HECTD4: variants seen among roughly 807,000 people sequenced by gnomAD.
HECTD4 encodes the protein probable E3 ubiquitin-protein ligase HECTD4.
HECTD4 carries 114 observed loss-of-function variants against 471.5 expected under a neutral mutation model. The ratio of observed to expected loss-of-function variants is 0.24; its 90% CI spans 0.21 to 0.28. The LOEUF is 0.28. Ranked by LOEUF, HECTD4 falls within the 10% of genes least tolerant of loss-of-function variation. The pLI is 1.00. For missense variants in HECTD4, 3,866 were observed against 5,651.5 expected (o/e 0.68, Z 10.13); for synonymous variants, 2,012 against 2,256.0 (o/e 0.89, Z 3.07).
chr12:112,199,230 T>G lies in HECTD4; in HGVS notation c.8567+1408A>C, dbSNP rs907153080. Among the ~76,000 whole-genome samples the G allele has an allele frequency of 3.9e-5, 6 of 152,190 alleles. No individual in the cohort carries two copies. In the East Asian group the frequency reaches 1.2e-3, roughly 29 times the overall value. On this transcript the variant is annotated intron_variant, in intron 55 of 75. Transcript: ENST00000682272. ...TGAGGACCCCTGTTGAAGAAACATTTGTGATATTGCCCTGTGGTATGCCTA... is the reference window on the plus strand; with the variant it reads ...TGAGGACCCCTGTTGAAGAAACATTGGTGATATTGCCCTGTGGTATGCCTA...
At chr12:112,298,612 G>C (rs934187659) in intron 7 of HECTD4, among the ~76,000 whole-genome samples, 1 of 151,382 alleles carries the variant, frequency 6.6e-6, no homozygotes, top group Admixed American at 6.6e-5. Context: ...GCCAGGCATG[G>C]TGGGTTACTC....
intron 8 of HECTD4, 106 bp from the exon 9 acceptor site, chr12:112,279,492 G>A: frequency 1.1e-6 from 1 of 949,108 alleles, no homozygotes; most frequent in Non-Finnish European, 1.5e-6. Context: ...CTCAAACAAA[G>A]ATTTGGAAAA....
At chr12:112,369,291 G>A (rs947182662) in intron 1 of HECTD4, among the ~76,000 whole-genome samples, 3 of 151,752 alleles carry the variant, frequency 2.0e-5, no homozygotes. Flanking sequence ...TCCATTGGAT[G>A]CATCTTTTGG....
chr12:112,187,179 G>A (rs913834653), intron 60 of HECTD4, among the ~76,000 whole-genome samples: 3 of 151,558 alleles, frequency 2.0e-5, no homozygotes, highest in African/African-American at 4.9e-5. Flanking sequence ...GGGTTCCTCC[G>A]TGTTGGTCAG....
intron 64 of HECTD4, among the ~76,000 whole-genome samples, 176 bp from the exon 65 acceptor site, chr12:112,176,878 C>T (rs2031469499): frequency 6.6e-6 from 1 of 152,164 alleles, no homozygotes; most frequent in Admixed American, 6.5e-5. Context: ...GTTCACTGAG[C>T]AAATTACAAG....
intron 7 of HECTD4, among the ~76,000 whole-genome samples, chr12:112,291,949 C>T (rs903596155): frequency 2.0e-5 from 3 of 152,304 alleles, no homozygotes; most frequent in Admixed American, 1.3e-4. Context: ...GCAACCTACA[C>T]ATTATATACA....
chr12:112,184,293 T>C lies in HECTD4; in HGVS notation c.10673A>G (p.Asn3558Ser). 6.2e-7 allele frequency: 1 copy of C among 1,613,492 alleles called. No individual in the cohort carries two copies. The highest frequency in any genetic ancestry group is 2.2e-5 in the East Asian group (1 of 44,860). The part of the protein sequence containing the change: ...SLGSLGEPLD[N>S]AETASVSDMG... ...GTCCGACACCGAGGCCGTCTCTGCA[T>C]TGTCCAGGGGCTCCCCCAGGCTGCC... Residue 3558 changes from asparagine (N) to serine (S), a missense_variant, in exon 61 of 76, where the codon AAT (asparagine) becomes AGT (serine). Asn to Ser is a conservative substitution (Grantham distance 46). Coordinates refer to ENST00000682272, the MANE Select transcript of HECTD4 (RefSeq NM_001388303.1). This position sits in a 1 kb window ranked among gnomAD's most constrained non-coding sequence, Gnocchi z 9.1.
chr12:112,375,671 A>G (rs1235967719), intron 1 of HECTD4, among the ~76,000 whole-genome samples: 1 of 152,188 alleles, frequency 6.6e-6, no homozygotes, highest in Admixed American at 6.5e-5. Context: ...AAAAAGAATA[A>G]TGTTCTATGA....
chr12:112,216,937 A>G lies in HECTD4; in HGVS notation c.7237-16T>C, dbSNP rs1172943546. ...AAGACGGGGCCTGAAGAGATGCCAG[A>G]AGAGAGCAGCAATCAGAGGGCTAAT... is the stretch of plus-strand genomic sequence containing the variant. On this transcript the variant is annotated splice_polypyrimidine_tract_variant and intron_variant, in intron 46 of 75. Transcript: ENST00000682272. 6.2e-7 allele frequency: 1 copy of G among 1,611,844 alleles called. No individual in the cohort carries two copies. Among genetic ancestry groups the G allele is most frequent in the Non-Finnish European group, 8.5e-7 (1 of 1,178,150 alleles).
In HECTD4 at chr12:112,185,243, C is replaced by T. The variant is rs1219848262; in HGVS notation, c.9723G>A (p.Gly3241=). 1.1e-5 allele frequency: 17 copies of T among 1,550,072 alleles called. No homozygotes were observed. The highest frequency in any genetic ancestry group is 1.5e-5 in the Non-Finnish European group (17 of 1,146,534). ...ACCTGCCCTGGTCACCGGCCGCCGC[C>T]CCCCCGGAGCCCCCGCAGGCGCCGC... The part of the protein sequence containing the change: ...VSGGACGGSG[G]AAAGDQGRFS... The change falls in exon 61 of 76, where the codon GGG becomes GGA. Residue 3241 remains glycine, a synonymous_variant. Transcript: ENST00000682272.
chr12:112,208,610 A>G lies in HECTD4; in HGVS notation c.7888T>C (p.Cys2630Arg), dbSNP rs1186456336. ...AQQQYDSDTS[C>R]HYKVELSYEN... ...TAGCTGAGCTCGACTTTATAATGACAGGAGGTGTCACTATCATATTCTGTA... is the reference window on the plus strand; with the variant it reads ...TAGCTGAGCTCGACTTTATAATGACGGGAGGTGTCACTATCATATTCTGTA... The change falls in exon 51 of 76, where the codon TGT becomes CGT. Residue 2630 changes from cysteine (C) to arginine (R), a missense_variant. By Grantham distance (180) the Cys-to-Arg change is radical. Around this residue, in one of 16 missense-constraint regions of HECTD4, gnomAD observed 266 missense variants for 441.6 expected, o/e 0.60. Transcript: ENST00000682272. 6 of 1,598,754 alleles carry G rather than the reference A, an allele frequency of 3.8e-6. No individual in the cohort carries two copies. The Admixed American group carries it at 5.3e-5, about 14-fold the overall frequency.
Position 112,314,446 on chromosome 12 carries a change from T to A in HECTD4, c.785+11A>T, listed in dbSNP as rs1165053362. ...TTGGAAGGAGGGTAAGGATACAAAG[T>A]GACAACTTACCTATATAGCACATCA... On this transcript the variant is annotated intron_variant, in intron 3 of 75. Transcript: ENST00000682272. 2 of 1,434,888 alleles carry A rather than the reference T, an allele frequency of 1.4e-6. No homozygotes were observed. Among genetic ancestry groups the A allele is most frequent in the Non-Finnish European group, 1.9e-6 (2 of 1,055,352 alleles). The allele number at this position is 1,434,888 out of a possible 1,614,324, so 88.9% of individuals were successfully genotyped here.
rs2034257130 is a variant in HECTD4, at chr12:112,265,867, A to G, written c.2498+11T>C. 1 of 1,590,678 alleles carries G rather than the reference A, an allele frequency of 6.3e-7. No homozygotes were observed. Among genetic ancestry groups the G allele is most frequent in the African/African-American group, 1.3e-5 (1 of 74,450 alleles). On this transcript the variant is annotated intron_variant, in intron 15 of 75. Transcript: ENST00000682272. ...ACAAAGGCTAGAAGTGAATAATATA[A>G]CTGGTGTCACCTGTAATGATCATCC...
rs960285397 is a variant in HECTD4 at position 112,188,655 on chromosome 12, G to A, written c.9472+2131C>T. ...CAGGATAAAAGATTACTGGCCGGGG[G>A]AATCCCAAGGGCCTGCTGAAGCTGA... On this transcript the variant is annotated intron_variant, in intron 60 of 75. Transcript: ENST00000682272. This position sits in a 1 kb window ranked among gnomAD's most constrained non-coding sequence, Gnocchi z 4.2. 2.0e-5 allele frequency among the ~76,000 whole-genome samples: 3 copies of A among 152,224 alleles called. No individual in the cohort carries two copies. The highest frequency in any genetic ancestry group is 7.2e-5 in the African/African-American group (3 of 41,458).
chr12:112,365,577 TTC>T (rs1478338853), intron 1 of HECTD4, among the ~76,000 whole-genome samples: 2 of 152,136 alleles, frequency 1.3e-5, no homozygotes, highest in Non-Finnish European at 2.9e-5. Flanking sequence ...GACAGTGCAG[TTC>T]TGGAGGCTAT....
chr12:112,252,244 T>C (rs781050325), intron 23 of HECTD4, among the ~76,000 whole-genome samples, 180 bp downstream of exon 23: 44 of 152,226 alleles, frequency 2.9e-4, no homozygotes, highest in Non-Finnish European at 4.0e-4. Flanking sequence ...TTTTAGGTCA[T>C]GGCTAGTTTT....
rs747442339 is a variant in HECTD4 at position 112,264,112 on chromosome 12, G to A, written c.2720C>T (p.Ser907Phe). 6 of 1,609,990 alleles carry A rather than the reference G, an allele frequency of 3.7e-6. No homozygotes were observed. In the South Asian group the frequency reaches 5.6e-5, roughly 15 times the overall value. The part of the protein sequence containing the change: ...KPDENDDSDS[S>F]LQGETLKVQE... ...TACCTTCAATGTCTCTCCCTGCAAG[G>A]AGCTGTCACTGTCATCATTCTCATC... The change falls in exon 17 of 76, where the codon TCC becomes TTC. Residue 907 changes from serine (S) to phenylalanine (F), a missense_variant. Ser to Phe is a radical substitution (Grantham distance 155, BLOSUM62 -2). Transcript: ENST00000682272.
chr12:112,205,864 G>T (rs2032565756), intron 52 of HECTD4, among the ~76,000 whole-genome samples: 1 of 152,134 alleles, frequency 6.6e-6, no homozygotes, highest in African/African-American at 2.4e-5. Flanking sequence ...AAAGTGCTGA[G>T]ATTACAGGTG....
At chr12:112,305,728 C>A (rs937816236) in intron 7 of HECTD4, among the ~76,000 whole-genome samples, 1 of 152,150 alleles carries the variant, frequency 6.6e-6, no homozygotes, top group South Asian at 2.1e-4. Context: ...CTCAGAGACT[C>A]CCAATTTCTA....
Sources: gnomAD v4.1 joint callset for allele counts (sites outside exome capture counted in the v4.1 genomes callset) on GRCh38, gnomAD v4.1.1 for gene constraint, gnomAD v4.1.1 regional missense constraint, Gnocchi (gnomAD v3.1) non-coding constraint, MANE v1.5 for transcripts, NCBI Gene and HGNC (gene_info 2026-07-23, HGNC 2026-07-21) for gene names.